CNTN6: variants seen among roughly 807,000 people sequenced by gnomAD.
The protein encoded by CNTN6 is contactin 6, also known as contactin-6.
CNTN6 carries 137 observed loss-of-function variants against 122.8 expected under a neutral mutation model. The ratio of observed to expected loss-of-function variants is 1.12; its 90% CI spans 0.97 to 1.29. The LOEUF is 1.29. CNTN6 is among the 50% of genes most tolerant of loss of function. The pLI is 0.00. For synonymous variants in CNTN6, 570 were observed against 426.0 expected (o/e 1.34, Z -4.16); for missense variants, 1,634 against 1,223.4 (o/e 1.34, Z -5.01).
intron 9 of CNTN6, 106 bp downstream of exon 9, chr3:1,326,057 G>A (rs1575711455): frequency 3.1e-6 from 3 of 969,790 alleles, no homozygotes; most frequent in Admixed American, 2.7e-5. Context: ...TGGAGTCTTT[G>A]GTATGTTCCA....
chr3:1,225,334 G>A (rs1448987324), intron 3 of CNTN6, among the ~76,000 whole-genome samples: 1 of 152,126 alleles, frequency 6.6e-6, no homozygotes, highest in African/African-American at 2.4e-5. Flanking sequence ...CACACCAGGA[G>A]TTGAACCCCT....
intron 2 of CNTN6, among the ~76,000 whole-genome samples, chr3:1,160,344 G>GTATATATATATATATATATA (rs56703431): frequency 0.025 from 2,786 of 109,900 alleles, 51 homozygotes; most frequent in Non-Finnish European, 0.035. Flanking sequence ...TACTTTTACT[G>GTATATATATATATATATATA]TATATATATA....
At chr3:1,135,356 T>G (rs2092444941) in intron 1 of CNTN6, among the ~76,000 whole-genome samples, 1 of 152,044 alleles carries the variant, frequency 6.6e-6, no homozygotes, top group Non-Finnish European at 1.5e-5. Flanking sequence ...TATCAGGGGA[T>G]GGGTTGATGG....
chr3:1,254,749 G>A (rs1054473817), intron 4 of CNTN6, among the ~76,000 whole-genome samples: 2 of 152,120 alleles, frequency 1.3e-5, no homozygotes, highest in Non-Finnish European at 2.9e-5. Context: ...ATTCAAGATG[G>A]ATGAAATTTC....
chr3:1,111,369 T>A (rs1204289399), intron 1 of CNTN6, among the ~76,000 whole-genome samples: 3 of 152,186 alleles, frequency 2.0e-5, no homozygotes, highest in Non-Finnish European at 4.4e-5. Context: ...ACGTATTTAA[T>A]TCTCATAAAA....
intron 4 of CNTN6, among the ~76,000 whole-genome samples, chr3:1,256,571 A>G (rs145238907): frequency 6.6e-6 from 1 of 152,312 alleles, no homozygotes; most frequent in Non-Finnish European, 1.5e-5. Context: ...TGTGCTAACC[A>G]TATGAATTTG....
rs959702455 is a variant in CNTN6 at position 1,109,962 on chromosome 3, C to G, written c.-83+16842C>G. Among the ~76,000 whole-genome samples, 17 of 152,176 alleles carry G rather than the reference C, an allele frequency of 1.1e-4. No homozygotes were observed. The East Asian group carries it at 1.5e-3, about 14-fold the overall frequency. On this transcript the variant is annotated intron_variant, in intron 1 of 22. Coordinates refer to ENST00000446702, the MANE Select transcript of CNTN6 (RefSeq NM_001289080.2). ...TTTATAGCTGGGTCCCTACTGCTGA[C>G]TCAGTTTTGAACTACCCATCGATCT...
intron 2 of CNTN6, among the ~76,000 whole-genome samples, chr3:1,160,118 C>T (rs1286837631): frequency 6.6e-6 from 1 of 151,910 alleles, no homozygotes; most frequent in Non-Finnish European, 1.5e-5. Context: ...CACGCCCGGC[C>T]AATCATTCAG....
intron 5 of CNTN6, 129 bp downstream of exon 5, chr3:1,278,637 C>T (rs949570050): frequency 1.8e-6 from 1 of 552,418 alleles, no homozygotes; most frequent in East Asian, 2.7e-5. Context: ...TCAAGTGCAT[C>T]TACTGCATAC....
intron 12 of CNTN6, among the ~76,000 whole-genome samples, chr3:1,364,162 C>T (rs898049430): frequency 4.6e-5 from 7 of 151,694 alleles, no homozygotes; most frequent in South Asian, 2.1e-4. Context: ...TAATATGTAG[C>T]GTAATTTGAG....
At chr3:1,218,411 G>C (rs1008758338) in intron 2 of CNTN6, among the ~76,000 whole-genome samples, 9 of 152,114 alleles carry the variant, frequency 5.9e-5, no homozygotes, top group Non-Finnish European at 1.3e-4. Flanking sequence ...GAGCCCGAGT[G>C]GGGTGAAGGA....
chr3:1,300,593 GAA>G (rs1187072139), intron 7 of CNTN6, among the ~76,000 whole-genome samples: 18 of 125,892 alleles, frequency 1.4e-4, no homozygotes, highest in African/African-American at 4.9e-4. Context: ...AAGAAAGAAA[GAA>G]AGAAAGAAAG....
At chr3:1,351,642 G>A (rs965948811) in intron 11 of CNTN6, among the ~76,000 whole-genome samples, 7 of 151,170 alleles carry the variant, frequency 4.6e-5, no homozygotes, top group African/African-American at 1.5e-4. Flanking sequence ...TTTTATGAAA[G>A]ATGGGAACTT....
chr3:1,329,859 G>A lies in CNTN6; in HGVS notation c.1288G>A (p.Gly430Arg), dbSNP rs144743086. Residue 430 changes from glycine to arginine, a missense_variant, in exon 11 of 23, where the codon GGA becomes AGA. Transcript: ENST00000446702. ...FVQVGGDIVI[G>R]CKPNAFPRAA... ...TCAAGTTGGTGGGGATATTGTTATC[G>A]GATGCAAACCAAATGCTTTTCCCAG... The A allele has an allele frequency of 2.3e-5, 37 of 1,610,922 alleles. No homozygotes were observed. Among genetic ancestry groups the A allele is most frequent in the East Asian group, 6.7e-5 (3 of 44,700 alleles).
intron 1 of CNTN6, among the ~76,000 whole-genome samples, chr3:1,106,082 A>G (rs563024457): frequency 2.0e-5 from 3 of 152,256 alleles, no homozygotes; most frequent in African/African-American, 2.4e-5. Context: ...GAGGTAATCT[A>G]TATTGTGGGC....
intron 1 of CNTN6, among the ~76,000 whole-genome samples, chr3:1,145,610 G>A (rs2092708296): frequency 6.6e-6 from 1 of 152,062 alleles, no homozygotes; most frequent in African/African-American, 2.4e-5. Flanking sequence ...TTGGATACAT[G>A]GAAACTGTCC....
chr3:1,138,549 C>T (rs2092538082), intron 1 of CNTN6, among the ~76,000 whole-genome samples: 1 of 151,798 alleles, frequency 6.6e-6, no homozygotes, highest in Non-Finnish European at 1.5e-5. Flanking sequence ...ACAATTATAG[C>T]AAAACAGAAG....
At chr3:1,230,343 G>A (rs900687216) in intron 4 of CNTN6, among the ~76,000 whole-genome samples, 1 of 152,108 alleles carries the variant, frequency 6.6e-6, no homozygotes, top group East Asian at 1.9e-4. Flanking sequence ...CCACCACATA[G>A]GACAGTGACA....
chr3:1,241,149 G>A (rs1462071664), intron 4 of CNTN6, among the ~76,000 whole-genome samples: 1 of 152,114 alleles, frequency 6.6e-6, no homozygotes, highest in Non-Finnish European at 1.5e-5. Flanking sequence ...TACTTCTTTT[G>A]TGGATCTTCA....
Sources: gnomAD v4.1 joint callset for allele counts (sites outside exome capture counted in the v4.1 genomes callset) on GRCh38, gnomAD v4.1.1 for gene constraint, MANE v1.5 for transcripts, NCBI Gene and HGNC (gene_info 2026-07-23, HGNC 2026-07-21) for gene names.